ST8SIA5: variants seen among roughly 807,000 people sequenced by gnomAD.
ST8SIA5 encodes the protein alpha-2,8-sialyltransferase 8E.
In ST8SIA5, 24 loss-of-function variants were observed where a neutral mutation model predicts 40.2. The observed-to-expected ratio is 0.60, with a 90% CI of 0.43 to 0.84. The LOEUF (loss-of-function observed/expected upper bound fraction) is 0.84. Ranked by LOEUF, ST8SIA5 falls within the 40% of genes least tolerant of loss-of-function variation. The pLI is 0.00. For synonymous variants in ST8SIA5, 198 were observed against 201.8 expected (o/e 0.98, Z 0.16); for missense variants, 465 against 498.5 (o/e 0.93, Z 0.64).
rs533183174 is a variant in ST8SIA5, at chr18:46,676,279, G to A, written c.*3763C>T. ...TTCAGCACAACCAGCTCCCACGTACGTTTGTGGGATTCGTCATTTAACGTC... is the reference window on the plus strand; with the variant it reads ...TTCAGCACAACCAGCTCCCACGTACATTTGTGGGATTCGTCATTTAACGTC... On this transcript the variant is annotated 3_prime_UTR_variant, in exon 7 of 7. Transcript: ENST00000315087. The A allele has an allele frequency of 4.6e-5, 7 of 152,248 alleles. No individual in the cohort carries two copies. Among genetic ancestry groups the A allele is most frequent in the African/African-American group, 1.2e-4 (5 of 41,544 alleles). The allele number at this position is 152,248 out of a possible 1,614,324, so 9.4% of individuals were successfully genotyped here.
chr18:46,728,725 A>G (rs9955817), intron 1 of ST8SIA5, among the ~76,000 whole-genome samples: 133,392 of 152,096 alleles, frequency 0.88, 58,617 homozygotes, highest in East Asian at 1. Context: ...AGGCCCCCCC[A>G]CATGCTCTGG....
intron 1 of ST8SIA5, among the ~76,000 whole-genome samples, chr18:46,739,093 C>T (rs1425338989): frequency 2.6e-5 from 4 of 152,160 alleles, no homozygotes; most frequent in Non-Finnish European, 5.9e-5. Flanking sequence ...AGTAGAGACA[C>T]CATGGTGCTG....
At chr18:46,717,344 T>G (rs996888971) in intron 1 of ST8SIA5, among the ~76,000 whole-genome samples, 5 of 146,264 alleles carry the variant, frequency 3.4e-5, no homozygotes, top group African/African-American at 5.4e-5. Flanking sequence ...CCGTCTCTAC[T>G]TTTTTTTTTA....
rs558449492 is a variant in ST8SIA5, at chr18:46,684,307, T to A, written c.569+1867A>T. Among the ~76,000 whole-genome samples, 111 of 152,310 alleles carry A rather than the reference T, an allele frequency of 7.3e-4. 4 individuals are homozygous for A. The South Asian group carries it at 0.02, about 27-fold the overall frequency. The stretch of plus-strand genomic sequence containing the variant: ...CCATTTCTGACTATGAATAGCCCCA[T>A]GACCCTAGCAAGGAATATCATCCCC... On this transcript the variant is annotated intron_variant, in intron 5 of 6. Transcript: ENST00000315087.
intron 2 of ST8SIA5, among the ~76,000 whole-genome samples, chr18:46,696,891 A>T (rs1227907062): frequency 6.6e-6 from 1 of 152,206 alleles, no homozygotes. Flanking sequence ...GAGTAGCACA[A>T]GGACAGGATG....
At chr18:46,748,164 T>C (rs1034390912) in intron 1 of ST8SIA5, among the ~76,000 whole-genome samples, 7 of 152,182 alleles carry the variant, frequency 4.6e-5, no homozygotes, top group African/African-American at 1.7e-4. Flanking sequence ...GGCACATGTA[T>C]ACATATGTAA....
intron 1 of ST8SIA5, among the ~76,000 whole-genome samples, chr18:46,732,652 A>C (rs2039995854): frequency 6.6e-6 from 1 of 152,200 alleles, no homozygotes. Context: ...AAAAACAATA[A>C]AAGAAGAAAA....
In ST8SIA5 at chr18:46,679,884, GC is replaced by G. The variant is rs1463702057; in HGVS notation, c.*157del. The G allele has an allele frequency of 1.3e-6, 1 of 765,226 alleles. No individual in the cohort carries two copies. Among genetic ancestry groups the G allele is most frequent in the Non-Finnish European group, 2.0e-6 (1 of 487,876 alleles). 47.4% of individuals were successfully genotyped at this position (765,226 alleles called of 1,614,324 possible). ...TGACTCTGCCCCGGTTCCTAACCCT[GC>G]CTCCCTACCCCAGGATCCAAGTACA... is the stretch of plus-strand genomic sequence containing the variant. On this transcript the variant is annotated 3_prime_UTR_variant, in exon 7 of 7. Coordinates refer to ENST00000315087, the MANE Select transcript of ST8SIA5 (RefSeq NM_013305.6).
At chr18:46,725,411 A>T (rs1253401294) in intron 1 of ST8SIA5, among the ~76,000 whole-genome samples, 1 of 152,158 alleles carries the variant, frequency 6.6e-6, no homozygotes, top group Non-Finnish European at 1.5e-5. Context: ...CCACACTGTC[A>T]TCCTCCTACC....
At chr18:46,680,606 G>C (rs898278163) in intron 6 of ST8SIA5, 96 bp from the exon 7 acceptor site, 40 of 1,313,942 alleles carry the variant, frequency 3.0e-5, no homozygotes, top group African/African-American at 1.5e-5. Flanking sequence ...TGCAAAGGAC[G>C]GAAGGGACTC....
chr18:46,743,703 A>G lies in ST8SIA5; in HGVS notation c.131+12675T>C, dbSNP rs149563191. ...AGGCAGGCCAAACTTCAAATTCAGG[A>G]AATACAGAGAACACCAAAAAGATAC... On this transcript the variant is annotated intron_variant, in intron 1 of 6. Coordinates refer to ENST00000315087, the MANE Select transcript of ST8SIA5 (RefSeq NM_013305.6). Among the ~76,000 whole-genome samples, 1,189 of 152,238 alleles carry G rather than the reference A, an allele frequency of 7.8e-3. 18 individuals carry two copies. The highest frequency in any genetic ancestry group is 0.034 in the Middle Eastern group (10 of 294).
Position 46,756,519 on chromosome 18 carries a change from G to A in ST8SIA5, c.-11C>T, listed in dbSNP as rs780473308. 1.9e-6 allele frequency: 3 copies of A among 1,611,334 alleles called. No homozygotes were observed. The African/African-American group carries it at 4.0e-5, about 22-fold the overall frequency. On this transcript the variant is annotated 5_prime_UTR_variant, in exon 1 of 7. Transcript: ENST00000315087. ...GTCCGCGTAGCGCATCCTGGCTACC[G>A]GGCGCCGCGGGCGCGGGGTACGGGG...
At chr18:46,733,067 C>T (rs1215673531) in intron 1 of ST8SIA5, among the ~76,000 whole-genome samples, 1 of 152,136 alleles carries the variant, frequency 6.6e-6, no homozygotes, top group Non-Finnish European at 1.5e-5. Context: ...ATCAGCAGGG[C>T]CAGCACAGCC....
intron 1 of ST8SIA5, among the ~76,000 whole-genome samples, chr18:46,747,473 C>T (rs2040151735): frequency 6.6e-6 from 1 of 152,168 alleles, no homozygotes; most frequent in South Asian, 2.1e-4. Flanking sequence ...TGAAAAAATG[C>T]TCATCATCAC....
At chr18:46,748,906 G>A (rs938211490) in intron 1 of ST8SIA5, among the ~76,000 whole-genome samples, 3 of 152,090 alleles carry the variant, frequency 2.0e-5, no homozygotes, top group African/African-American at 7.2e-5. Context: ...CAAGAGAAAT[G>A]AAAATCTATA....
chr18:46,710,134 C>T (rs1159087211), intron 1 of ST8SIA5, among the ~76,000 whole-genome samples: 1 of 152,196 alleles, frequency 6.6e-6, no homozygotes, highest in Non-Finnish European at 1.5e-5. Flanking sequence ...CCCAACTCCT[C>T]TCAAATGCCA....
chr18:46,673,321 T>C lies in ST8SIA5; in HGVS notation c.*6721A>G, dbSNP rs751167104. 15 of 152,230 alleles carry C rather than the reference T, an allele frequency of 9.9e-5. No individual in the cohort carries two copies. Among genetic ancestry groups the C allele is most frequent in the Non-Finnish European group, 1.6e-4 (11 of 68,038 alleles). 9.4% of individuals were successfully genotyped at this position (152,230 alleles called of 1,614,324 possible). A position where few individuals can be genotyped will look rare whatever the true frequency, so the allele number is the denominator to read the frequency against. On this transcript the variant is annotated 3_prime_UTR_variant, in exon 7 of 7. Transcript: ENST00000315087. ...GTTAGATTCCCGAGCACTTGACTTT[T>C]GTTGCTAGGTACATAGTGGGTTATA...
At chr18:46,720,635 A>C (rs1222338443) in intron 1 of ST8SIA5, among the ~76,000 whole-genome samples, 1 of 152,044 alleles carries the variant, frequency 6.6e-6, no homozygotes, top group African/African-American at 2.4e-5. Flanking sequence ...CCCCTCCTTA[A>C]AAATACAAAA....
At chr18:46,707,387 C>G (rs2039680018) in intron 1 of ST8SIA5, among the ~76,000 whole-genome samples, 2 of 152,168 alleles carry the variant, frequency 1.3e-5, no homozygotes, top group Admixed American at 1.3e-4. Flanking sequence ...TCTCTTTTTT[C>G]TCCTCTTTAA....
Sources: gnomAD v4.1 joint callset for allele counts (sites outside exome capture counted in the v4.1 genomes callset) on GRCh38, gnomAD v4.1.1 for gene constraint, MANE v1.5 for transcripts, NCBI Gene and HGNC (gene_info 2026-07-23, HGNC 2026-07-21) for gene names.